Variants in XIST observed in about 807,000 individuals in gnomAD.
XIST encodes the protein X inactive specific transcript.
At chrX:73,825,376 C>T (rs1456635142) in exon 6 of XIST, 1 of 557,354 alleles carries the variant, frequency 1.8e-6, no homozygotes, top group African/African-American at 2.2e-5. Context: ...TTGCTCCTTT[C>T]TTTGTATCCA....
chrX:73,851,972 C>A (rs1922954538), exon 1 of XIST: 1 of 554,324 alleles, frequency 1.8e-6, no homozygotes, highest in Non-Finnish European at 3.2e-6. Flanking sequence ...CCCACAAAAC[C>A]AACATTTTTT....
At chrX:73,851,850 A>T in exon 1 of XIST, 1 of 558,550 alleles carries the variant, frequency 1.8e-6, no homozygotes, top group East Asian at 3.2e-5. Flanking sequence ...CAATCTGAAC[A>T]CGCCCTTAGC....
exon 1 of XIST, chrX:73,844,710 A>G (rs1365517000): frequency 7.2e-6 from 4 of 556,415 alleles, no homozygotes; most frequent in Non-Finnish European, 1.3e-5. Flanking sequence ...AATCACACAC[A>G]TAACAGGCCA....
chrX:73,837,646 G>A, intron 1 of XIST: 2 of 410,075 alleles, frequency 4.9e-6, no homozygotes, highest in Non-Finnish European at 8.5e-6. Context: ...GAAAAACTGG[G>A]TGTGAAGTAC....
exon 1 of XIST, chrX:73,848,887 G>C (rs1455711165): frequency 3.6e-6 from 2 of 557,191 alleles, no homozygotes; most frequent in Non-Finnish European, 6.5e-6. Flanking sequence ...ACACTATCTA[G>C]GAGCAATGAT....
chrX:73,830,663 T>C (rs1320736384), intron 4 of XIST, among the ~76,000 whole-genome samples: 1 of 112,276 alleles, frequency 8.9e-6, no homozygotes, highest in Non-Finnish European at 1.9e-5. Flanking sequence ...TCCCAAGCCA[T>C]CCTGAAGTAT....
exon 6 of XIST, chrX:73,824,649 C>T: frequency 1.8e-6 from 1 of 555,606 alleles, no homozygotes. Flanking sequence ...TTTATTCATA[C>T]AGAAAGCATC....
At chrX:73,851,317 A>G (rs1371655895) in exon 1 of XIST, 2 of 559,297 alleles carry the variant, frequency 3.6e-6, no homozygotes, top group Non-Finnish European at 3.2e-6. Flanking sequence ...CAACACGAAA[A>G]GCACACAGCA....
At chrX:73,850,749 TG>T (rs766288344) in exon 1 of XIST, 58 of 151,468 alleles carry the variant, frequency 3.8e-4, no homozygotes, top group Middle Eastern at 1.7e-3. Flanking sequence ...GGTGGGGAGT[TG>T]GGGGGGTTGG....
chrX:73,843,944 A>C (rs746681881), exon 1 of XIST: 1 of 556,731 alleles, frequency 1.8e-6, no homozygotes, highest in African/African-American at 2.2e-5. Context: ...ATATGTTGAT[A>C]GTCCACCAGA....
chrX:73,850,232 A>G, exon 1 of XIST: 1 of 550,441 alleles, frequency 1.8e-6, no homozygotes, highest in Non-Finnish European at 3.3e-6. Flanking sequence ...AATGACCAGC[A>G]CATTTTTAAA....
chrX:73,839,817 TA>T (rs1386489686), intron 1 of XIST, among the ~76,000 whole-genome samples: 1 of 110,133 alleles, frequency 9.1e-6, no homozygotes, highest in Non-Finnish European at 1.9e-5. Flanking sequence ...CTATCTAGTA[TA>T]ATCAATCCAC....
At chrX:73,845,629 T>C (rs1432191781) in exon 1 of XIST, 1 of 555,074 alleles carries the variant, frequency 1.8e-6, no homozygotes, top group Non-Finnish European at 3.2e-6. Flanking sequence ...CCTGCTGTAC[T>C]GCAAAGGGCA....
Position 73,837,479 on chromosome X carries a change from G to A in XIST, n.11367C>T, listed in dbSNP as rs1284681349. On this transcript the variant is annotated non_coding_transcript_exon_variant, in exon 2 of 6. Transcript: ENST00000429829. The stretch of plus-strand genomic sequence containing the variant: ...GGAGACATGACTACTAAGGACACAT[G>A]CAGCGTGGTATCTTCAATGGGATCC... 3 of 507,932 alleles carry A rather than the reference G, an allele frequency of 5.9e-6. No individual in the cohort carries two copies. 41.9% of individuals were successfully genotyped at this position (507,932 alleles called of 1,213,427 possible).
exon 1 of XIST, chrX:73,846,598 TTACAATTGTGCACCTAGACTCTCC>T: frequency 1.8e-6 from 1 of 558,848 alleles, no homozygotes; most frequent in South Asian, 2.2e-5. Flanking sequence ...TTGTGGTCAC[TTACAATTGTGCACCTAGACTCTCC>T]AAATAAAAGG....
At chrX:73,842,103 T>A (rs918082378) in exon 1 of XIST, 1 of 537,417 alleles carries the variant, frequency 1.9e-6, no homozygotes, top group Non-Finnish European at 3.4e-6. Context: ...TATAAATGGA[T>A]ATTTTGGCTT....
intron 2 of XIST, among the ~76,000 whole-genome samples, chrX:73,834,880 G>A (rs1258030967): frequency 9.4e-6 from 1 of 106,113 alleles, no homozygotes; most frequent in Admixed American, 1.0e-4. Context: ...TGTAATCCCA[G>A]CTACTTGGGA....
At chrX:73,847,267 T>C (rs1922795626) in exon 1 of XIST, 2 of 554,746 alleles carry the variant, frequency 3.6e-6, no homozygotes, top group Admixed American at 2.2e-5. Flanking sequence ...GGGATTCTAC[T>C]CTAACATAGG....
exon 1 of XIST, chrX:73,847,636 T>C (rs1481277897): frequency 1.9e-6 from 1 of 517,548 alleles, no homozygotes; most frequent in Non-Finnish European, 3.5e-6. Context: ...ATTAGCTTGA[T>C]ATAAAAGACT....
Sources: allele counts gnomAD v4.1 joint callset (sites outside exome capture counted in the v4.1 genomes callset), GRCh38; gene constraint gnomAD v4.1.1; transcripts MANE v1.5; gene names NCBI Gene and HGNC (gene_info 2026-07-23, HGNC 2026-07-21).